Variants in OSBP2 observed in about 807,000 individuals in gnomAD.
The protein encoded by OSBP2 is oxysterol-binding protein 2.
A neutral mutation model predicts 96.0 loss-of-function variants in OSBP2; 66 were observed. That is an observed-to-expected ratio of 0.69 (90% CI 0.56 to 0.84). OSBP2 has a LOEUF of 0.84. Ranked by LOEUF, OSBP2 falls within the 40% of genes least tolerant of loss-of-function variation. The pLI is 0.00. For missense variants in OSBP2, 1,038 were observed against 1,222.7 expected (o/e 0.85, Z 2.25); for synonymous variants, 525 against 520.9 (o/e 1.01, Z -0.11).
intron 2 of OSBP2, among the ~76,000 whole-genome samples, chr22:30,808,022 T>C (rs1487099122): frequency 6.6e-6 from 1 of 152,112 alleles, no homozygotes; most frequent in Non-Finnish European, 1.5e-5. Context: ...ACTCCTGGGC[T>C]CAAGCGATCC....
intron 2 of OSBP2, among the ~76,000 whole-genome samples, chr22:30,854,816 C>A (rs1423419425): frequency 6.6e-6 from 1 of 151,994 alleles, no homozygotes; most frequent in Non-Finnish European, 1.5e-5. Context: ...AAAGACATAC[C>A]CAAGACTGGA....
rs1360215425 is a variant in OSBP2, at chr22:30,907,238, A to C, written c.*899A>C. 1 of 152,518 alleles carries C rather than the reference A, an allele frequency of 6.6e-6. No individual in the cohort carries two copies. Among genetic ancestry groups the C allele is most frequent in the African/African-American group, 2.4e-5 (1 of 41,390 alleles). 9.4% of individuals were successfully genotyped at this position (152,518 alleles called of 1,614,324 possible). A position where few individuals can be genotyped will look rare whatever the true frequency, so the allele number is the denominator to read the frequency against. ...TGGGCTGGTGACCTGGGCACCAGAG[A>C]CCTTGCATCCCTCCTCATCCTAGGA... On this transcript the variant is annotated 3_prime_UTR_variant, in exon 14 of 14. Coordinates refer to ENST00000332585, the MANE Select transcript of OSBP2 (RefSeq NM_030758.4).
chr22:30,719,348 T>C (rs1488456659), intron 1 of OSBP2, among the ~76,000 whole-genome samples: 1 of 152,034 alleles, frequency 6.6e-6, no homozygotes, highest in Non-Finnish European at 1.5e-5. Context: ...CAGTAACTGA[T>C]AGCCAGCCAC....
intron 1 of OSBP2, among the ~76,000 whole-genome samples, chr22:30,717,093 TGTGTGTGTGTGTG>T (rs1569094607): frequency 7.4e-5 from 8 of 107,752 alleles, no homozygotes; most frequent in African/African-American, 2.7e-4. Flanking sequence ...ACTGTTTTTG[TGTGTGTGTGTGTG>T]TGTGTGTGTG....
intron 12 of OSBP2, chr22:30,894,350 G>GAA: frequency 4.6e-6 from 1 of 219,772 alleles, no homozygotes; most frequent in Non-Finnish European, 9.0e-6. Context: ...TCGACAAAGG[G>GAA]AAAAAAAAAT....
Position 30,708,190 on chromosome 22 carries a change from TC to T in OSBP2, c.644+12638del, listed in dbSNP as rs375914071. 8.4e-3 allele frequency among the ~76,000 whole-genome samples: 1,280 copies of T among 152,286 alleles called. 10 individuals carry two copies. The highest frequency in any genetic ancestry group is 0.023 in the African/African-American group (961 of 41,568). On this transcript the variant is annotated intron_variant, in intron 1 of 13. Transcript: ENST00000332585. ...GGTGAGAACCACCTCGCCTGGCTGT[TC>T]AGCCCCTTTTCTAAGGCTTACATGA...
At chr22:30,878,458 C>T (rs915110888) in intron 3 of OSBP2, among the ~76,000 whole-genome samples, 11 of 152,206 alleles carry the variant, frequency 7.2e-5, no homozygotes, top group Admixed American at 2.6e-4. Context: ...GGACCCCATG[C>T]TGGGGGCCTA....
intron 8 of OSBP2, among the ~76,000 whole-genome samples, chr22:30,891,362 ACT>A (rs1222248165): frequency 6.6e-6 from 1 of 151,858 alleles, no homozygotes; most frequent in Non-Finnish European, 1.5e-5. Context: ...GGTGGGATGG[ACT>A]CTGCCCCAGC....
intron 3 of OSBP2, among the ~76,000 whole-genome samples, chr22:30,876,361 C>G (rs1187226012): frequency 6.6e-6 from 1 of 152,226 alleles, no homozygotes; most frequent in African/African-American, 2.4e-5. Context: ...GTGGGCAGGA[C>G]TTGGTCATTG....
At chr22:30,726,365 C>A (rs776319787) in intron 1 of OSBP2, among the ~76,000 whole-genome samples, 6 of 152,150 alleles carry the variant, frequency 3.9e-5, no homozygotes, top group Non-Finnish European at 7.3e-5. Flanking sequence ...CTATCATTCT[C>A]AGCATTCTAA....
chr22:30,759,081 C>T (rs985462125), intron 2 of OSBP2, among the ~76,000 whole-genome samples: 2 of 152,130 alleles, frequency 1.3e-5, no homozygotes, highest in African/African-American at 2.4e-5. Flanking sequence ...TGCAAAGGGC[C>T]GGGCGCAGTG....
At chr22:30,781,289 T>C (rs901327482) in intron 2 of OSBP2, among the ~76,000 whole-genome samples, 2 of 152,020 alleles carry the variant, frequency 1.3e-5, no homozygotes, top group Non-Finnish European at 2.9e-5. Context: ...GCCGATGTTT[T>C]TGTTTTTTAC....
intron 8 of OSBP2, 120 bp downstream of exon 8, chr22:30,891,093 A>G: frequency 5.6e-6 from 7 of 1,254,942 alleles, no homozygotes; most frequent in Non-Finnish European, 7.7e-6. Context: ...CCCATACCCA[A>G]GGGGCCATCA....
At chr22:30,798,647 A>T (rs181414415) in intron 2 of OSBP2, among the ~76,000 whole-genome samples, 30 of 152,378 alleles carry the variant, frequency 2.0e-4, no homozygotes, top group East Asian at 1.5e-3. Flanking sequence ...ATGTGGATAC[A>T]CACTTTTCAC....
chr22:30,874,399 A>G (rs2039530993), intron 3 of OSBP2, among the ~76,000 whole-genome samples: 1 of 152,156 alleles, frequency 6.6e-6, no homozygotes, highest in Non-Finnish European at 1.5e-5. Context: ...CAACAGAGTG[A>G]GACTCTGTCT....
At chr22:30,858,173 T>C (rs1214098850) in intron 2 of OSBP2, among the ~76,000 whole-genome samples, 3 of 144,192 alleles carry the variant, frequency 2.1e-5, no homozygotes, top group Admixed American at 1.4e-4. Context: ...GGAGTCTCGC[T>C]CTGTCGCCCA....
intron 9 of OSBP2, 40 bp downstream of exon 9, chr22:30,893,282 T>G (rs1453591949): frequency 7.4e-6 from 12 of 1,613,492 alleles, no homozygotes; most frequent in African/African-American, 1.3e-5. Flanking sequence ...CACAGAGACA[T>G]TGTGCATAAG....
intron 2 of OSBP2, among the ~76,000 whole-genome samples, chr22:30,858,527 C>T (rs2039134290): frequency 6.6e-6 from 1 of 151,872 alleles, no homozygotes; most frequent in Non-Finnish European, 1.5e-5. Context: ...TCTTCCTAAC[C>T]CCACAGCACC....
At chr22:30,843,444 T>TGGGG in intron 2 of OSBP2, among the ~76,000 whole-genome samples, 1 of 120,622 alleles carries the variant, frequency 8.3e-6, no homozygotes, top group East Asian at 2.2e-4. Context: ...CAGGAATCTT[T>TGGGG]CCCCCCTCCC....
Sources: allele counts gnomAD v4.1 joint callset (sites outside exome capture counted in the v4.1 genomes callset), GRCh38; gene constraint gnomAD v4.1.1; transcripts MANE v1.5; gene names NCBI Gene and HGNC (gene_info 2026-07-23, HGNC 2026-07-21).